Variants in ANKS6 observed in about 807,000 individuals in gnomAD.
ANKS6 encodes the protein ankyrin repeat and sterile alpha motif domain containing 6, also known as ankyrin repeat and SAM domain-containing protein 6.
Under a neutral mutation model 77.9 loss-of-function variants are expected in ANKS6, and 47 were observed. That is an observed-to-expected ratio of 0.60 (90% confidence interval 0.48 to 0.77). ANKS6 has a LOEUF of 0.77. ANKS6 is among the 30% of genes least tolerant of loss of function. ANKS6 has a pLI of 0.00. For synonymous variants in ANKS6, 488 were observed against 501.7 expected (o/e 0.97, Z 0.37); for missense variants, 1,150 against 1,159.1 (o/e 0.99, Z 0.11).
intron 11 of ANKS6, among the ~76,000 whole-genome samples, chr9:98,763,538 G>T (rs2117979136): frequency 6.6e-6 from 1 of 151,948 alleles, no homozygotes; most frequent in East Asian, 1.9e-4. Context: ...AAAAAAGAAA[G>T]ATCTCTAAAC....
chr9:98,796,357 C>A lies in ANKS6; in HGVS notation c.135G>T (p.Ala45=). The part of the protein sequence containing the change: ...EPAERGAEPE[A]GAEPAGAEVA... ...CCTCGGCCCCCGCCGGCTCCGCGCC[C>A]GCCTCCGGCTCCGCGCCGCGCTCGG... Residue 45 remains alanine (A), a synonymous_variant, in exon 1 of 15, where the codon GCG becomes GCT. Coordinates refer to ENST00000353234, the MANE Select transcript of ANKS6 (RefSeq NM_173551.5). The A allele has an allele frequency of 8.9e-7, 1 of 1,124,270 alleles. No individual in the cohort carries two copies. Among genetic ancestry groups the A allele is most frequent in the Non-Finnish European group, 1.1e-6 (1 of 920,410 alleles). The allele number at this position is 1,124,270 out of a possible 1,614,324, so 69.6% of individuals were successfully genotyped here.
rs1163442084 is a variant in ANKS6, at chr9:98,736,540, A to T, written c.2595T>A (p.Pro865=). The T allele has an allele frequency of 6.2e-7, 1 of 1,612,242 alleles. No homozygotes were observed. Among genetic ancestry groups the T allele is most frequent in the African/African-American group, 1.3e-5 (1 of 74,918 alleles). ...FESSASNTRA[P]GNSPCA is the part of the protein sequence containing the mutation. ...AGGATCACGCACAGGGGCTGTTGCCAGGGGCCCTGGTGTTGCTGGCACTGC... is the reference window on the plus strand; with the variant it reads ...AGGATCACGCACAGGGGCTGTTGCCTGGGGCCCTGGTGTTGCTGGCACTGC... Residue 865 remains proline, a synonymous_variant, in exon 15 of 15, where the codon CCT becomes CCA. Transcript: ENST00000353234.
chr9:98,736,274 G>A lies in ANKS6; in HGVS notation c.*245C>T. ...GAGCTGAGTCCCTGCATCACTGTGT[G>A]AACCAACCTGCCAAGCAGAAGCACC... On this transcript the variant is annotated 3_prime_UTR_variant, in exon 15 of 15. Transcript: ENST00000353234. 4 of 1,348,032 alleles carry A rather than the reference G, an allele frequency of 3.0e-6. No individual in the cohort carries two copies. Among genetic ancestry groups the A allele is most frequent in the Non-Finnish European group, 2.8e-6 (3 of 1,053,580 alleles). 83.5% of individuals were successfully genotyped at this position (1,348,032 alleles called of 1,614,324 possible).
chr9:98,786,441 A>G (rs1834572790), intron 2 of ANKS6, among the ~76,000 whole-genome samples: 1 of 151,438 alleles, frequency 6.6e-6, no homozygotes, highest in Admixed American at 6.6e-5. Flanking sequence ...ACAGGCACCC[A>G]CCACCGCATC....
rs113106484 is a variant in ANKS6 at position 98,748,433 on chromosome 9, G to T, written c.2394+2596C>A. ...GCAACAGAATCCCAATTTTTAGCTG[G>T]GCACATTTCCACACAGTTAAAACAT... On this transcript the variant is annotated intron_variant, in intron 13 of 14. Coordinates refer to ENST00000353234, the MANE Select transcript of ANKS6 (RefSeq NM_173551.5). Among the ~76,000 whole-genome samples, 978 of 152,156 alleles carry T rather than the reference G, an allele frequency of 6.4e-3. 14 individuals are homozygous for T. The highest frequency in any genetic ancestry group is 0.023 in the African/African-American group (938 of 41,516).
chr9:98,785,773 C>A (rs1000897058), intron 2 of ANKS6, among the ~76,000 whole-genome samples: 23 of 152,128 alleles, frequency 1.5e-4, no homozygotes, highest in Non-Finnish European at 1.2e-4. Flanking sequence ...TCTTGAGTAA[C>A]TGGGAGGAAG....
chr9:98,744,082 G>A (rs904854176), intron 14 of ANKS6, among the ~76,000 whole-genome samples: 1 of 152,164 alleles, frequency 6.6e-6, no homozygotes, highest in Non-Finnish European at 1.5e-5. Flanking sequence ...CTGAGCCTGG[G>A]CTTCCCTATA....
chr9:98,777,405 C>G lies in ANKS6; in HGVS notation c.1617G>C (p.Met539Ile). The G allele has an allele frequency of 6.2e-7, 1 of 1,614,148 alleles. No homozygotes were observed. The highest frequency in any genetic ancestry group is 8.5e-7 in the Non-Finnish European group (1 of 1,180,016). ...GCTTTTAGAAAAGCCCCACACTCAC[C>G]ATGGTTGTCAATAACGTGTCTTCCT... ...GEKEDTLLTT[M>I]LRNGAPLTRL... is the part of the protein sequence containing the mutation. Residue 539 changes from methionine (M) to isoleucine (I), a missense_variant and splice_region_variant, in exon 8 of 15, where the codon ATG becomes ATC. Coordinates refer to ENST00000353234, the MANE Select transcript of ANKS6 (RefSeq NM_173551.5).
At chr9:98,754,971 C>T (rs1335485122) in intron 12 of ANKS6, among the ~76,000 whole-genome samples, 1 of 152,156 alleles carries the variant, frequency 6.6e-6, no homozygotes, top group African/African-American at 2.4e-5. Flanking sequence ...GCTTCAATTC[C>T]TGAAAACCTC....
At chr9:98,747,848 C>G (rs1033322438) in intron 13 of ANKS6, among the ~76,000 whole-genome samples, 1 of 152,200 alleles carries the variant, frequency 6.6e-6, no homozygotes, top group African/African-American at 2.4e-5. Flanking sequence ...CCATGGTGTA[C>G]AGAAGCAAGT....
intron 2 of ANKS6, among the ~76,000 whole-genome samples, chr9:98,788,390 G>A (rs1381364318): frequency 3.9e-5 from 6 of 152,086 alleles, no homozygotes; most frequent in Non-Finnish European, 8.8e-5. Context: ...GGGTCCCTGC[G>A]AGGGTGAGGG....
Position 98,732,739 on chromosome 9 carries a change from G to C in ANKS6, c.*3780C>G. 7.0e-7 allele frequency: 1 copy of C among 1,433,442 alleles called. No homozygotes were observed. The allele number at this position is 1,433,442 out of a possible 1,614,324, so 88.8% of individuals were successfully genotyped here. On this transcript the variant is annotated 3_prime_UTR_variant, in exon 15 of 15. Transcript: ENST00000353234. ...CAAAAGGGAAACTGGGACTCAAAGG[G>C]AAGAAGAAACGTGCTCAACATCACG...
intron 1 of ANKS6, among the ~76,000 whole-genome samples, chr9:98,794,556 TAG>T (rs1310839184): frequency 6.6e-6 from 1 of 152,174 alleles, no homozygotes; most frequent in Non-Finnish European, 1.5e-5. Flanking sequence ...TACCTGAATA[TAG>T]AGTCGGTGTC....
chr9:98,773,113 T>C (rs1444217584), intron 9 of ANKS6, among the ~76,000 whole-genome samples: 1 of 152,166 alleles, frequency 6.6e-6, no homozygotes, highest in Non-Finnish European at 1.5e-5. Flanking sequence ...TCGAGAATAG[T>C]GGACTAAATG....
intron 1 of ANKS6, among the ~76,000 whole-genome samples, chr9:98,795,436 C>T (rs555736382): frequency 5.8e-4 from 88 of 152,294 alleles, no homozygotes; most frequent in African/African-American, 2.1e-3. Flanking sequence ...TCAGCTCCCA[C>T]ACTCCCCCAA....
chr9:98,734,033 C>G lies in ANKS6; in HGVS notation c.*2486G>C, dbSNP rs1270346530. On this transcript the variant is annotated 3_prime_UTR_variant, in exon 15 of 15. Coordinates refer to ENST00000353234, the MANE Select transcript of ANKS6 (RefSeq NM_173551.5). Reference sequence around the variant, plus strand: ...AAAAACAAGCACCCAACTGACCCCTCCTCCCTGACGATCTATAACCTACAT... The same window carrying G: ...AAAAACAAGCACCCAACTGACCCCTGCTCCCTGACGATCTATAACCTACAT... 1.0e-6 allele frequency: 1 copy of G among 985,408 alleles called. No homozygotes were observed. Among genetic ancestry groups the G allele is most frequent in the South Asian group, 4.7e-5 (1 of 21,272 alleles). The allele number at this position is 985,408 out of a possible 1,614,324, so 61.0% of individuals were successfully genotyped here.
At position 98,773,726 on chromosome 9, in the gene ANKS6, C is replaced by T. The variant is rs546412234; in HGVS notation, c.1821+151G>A. ...TTCCATACTGAGTTGCTCTGTAGGG[C>T]TTCATTAGACAAAAGGATATCATCC... On this transcript the variant is annotated intron_variant, in intron 9 of 14. Transcript: ENST00000353234. The T allele has an allele frequency of 1.8e-5, 10 of 568,722 alleles. No homozygotes were observed. In the South Asian group the frequency reaches 3.7e-4, roughly 21 times the overall value. 35.2% of individuals were successfully genotyped at this position (568,722 alleles called of 1,614,324 possible).
chr9:98,778,119 C>G, intron 7 of ANKS6, 107 bp downstream of exon 7: 1 of 1,322,094 alleles, frequency 7.6e-7, no homozygotes, highest in East Asian at 2.4e-5. Flanking sequence ...GTGTCCCATT[C>G]CAACATCATC....
At chr9:98,778,117 T>C (rs1834013998) in intron 7 of ANKS6, 109 bp downstream of exon 7, 15 of 1,304,496 alleles carry the variant, frequency 1.1e-5, no homozygotes, top group Admixed American at 9.2e-5. Flanking sequence ...CAGTGTCCCA[T>C]TCCAACATCA....
Sources: allele counts gnomAD v4.1 joint callset (sites outside exome capture counted in the v4.1 genomes callset), GRCh38; gene constraint gnomAD v4.1.1; transcripts MANE v1.5; gene names NCBI Gene and HGNC (gene_info 2026-07-23, HGNC 2026-07-21).